COG5: variants seen among roughly 807,000 people sequenced by gnomAD.
The protein encoded by COG5 is conserved oligomeric Golgi complex subunit 5.
In COG5, 86 loss-of-function variants were observed where a neutral mutation model predicts 110.4. The observed-to-expected ratio is 0.78, with a 90% CI of 0.65 to 0.93. COG5 has a LOEUF of 0.93. COG5 is among the 40% of genes least tolerant of loss of function. The pLI is 0.00. For missense variants in COG5, 1,077 were observed against 987.0 expected (o/e 1.09, Z -1.22); for synonymous variants, 360 against 334.6 (o/e 1.08, Z -0.83).
chr7:107,395,835 G>C (rs1008508845), intron 7 of COG5, among the ~76,000 whole-genome samples: 1 of 152,034 alleles, frequency 6.6e-6, no homozygotes, highest in East Asian at 1.9e-4. Context: ...GATTACAGGC[G>C]TGAGCCACTG....
chr7:107,487,752 A>T (rs1336262058), intron 6 of COG5, among the ~76,000 whole-genome samples: 1 of 152,156 alleles, frequency 6.6e-6, no homozygotes, highest in Non-Finnish European at 1.5e-5. Flanking sequence ...TAAAATAATT[A>T]ACAATAGATT....
At chr7:107,404,862 G>A (rs1017251703) in intron 7 of COG5, among the ~76,000 whole-genome samples, 11 of 113,816 alleles carry the variant, frequency 9.7e-5, no homozygotes, top group Non-Finnish European at 1.7e-4. Flanking sequence ...TAAAGAGAGC[G>A]TAAAACAGTA....
chr7:107,286,172 A>G (rs1440020424), intron 12 of COG5, among the ~76,000 whole-genome samples: 1 of 152,166 alleles, frequency 6.6e-6, no homozygotes, highest in Non-Finnish European at 1.5e-5. Context: ...GGCCCTGAGG[A>G]GAGACCATAC....
At chr7:107,553,886 A>C (rs1188573491) in intron 3 of COG5, among the ~76,000 whole-genome samples, 1 of 152,210 alleles carries the variant, frequency 6.6e-6, no homozygotes, top group Admixed American at 6.5e-5. Context: ...ATGTGCAGGC[A>C]TTGTTCTAAG....
chr7:107,274,410 AC>A (rs1445557524), intron 14 of COG5, among the ~76,000 whole-genome samples: 3 of 151,666 alleles, frequency 2.0e-5, no homozygotes, highest in South Asian at 4.2e-4. Flanking sequence ...CCCACTCTTC[AC>A]CCCCTTTGTA....
At chr7:107,512,133 A>G (rs1157781414) in intron 6 of COG5, among the ~76,000 whole-genome samples, 3 of 152,210 alleles carry the variant, frequency 2.0e-5, no homozygotes, top group Admixed American at 6.5e-5. Flanking sequence ...ACATGATTGT[A>G]TATCTAGAAA....
At position 107,203,404 on chromosome 7, in the gene COG5, A is replaced by T; in HGVS notation, c.*112T>A. On this transcript the variant is annotated 3_prime_UTR_variant, in exon 22 of 22. Transcript: ENST00000297135. ...TAAACGTCGATAGGAAATACCGAAC[A>T]ATCAATTACATTCTTAAAATAGTAG... 1 of 778,610 alleles carries T rather than the reference A, an allele frequency of 1.3e-6. No homozygotes were observed. Among genetic ancestry groups the T allele is most frequent in the Admixed American group, 1.9e-5 (1 of 53,564 alleles). 48.2% of individuals were successfully genotyped at this position (778,610 alleles called of 1,614,324 possible).
chr7:107,405,003 A>T (rs1791720969), intron 7 of COG5, among the ~76,000 whole-genome samples: 5 of 152,084 alleles, frequency 3.3e-5, no homozygotes, highest in Admixed American at 3.3e-4. Context: ...TTTATGCTAT[A>T]AAAATTCCCT....
intron 11 of COG5, among the ~76,000 whole-genome samples, chr7:107,302,321 A>T (rs2189501): frequency 0.16 from 24,449 of 152,190 alleles, 2,359 homozygotes; most frequent in Non-Finnish European, 0.22. Context: ...TGGGAGCTAC[A>T]AACTACCATA....
intron 7 of COG5, among the ~76,000 whole-genome samples, chr7:107,411,504 G>C (rs571089852): frequency 1.3e-5 from 2 of 152,026 alleles, no homozygotes; most frequent in Non-Finnish European, 2.9e-5. Context: ...TTGTGAGAGA[G>C]GGTAAAGAAA....
intron 6 of COG5, among the ~76,000 whole-genome samples, chr7:107,523,310 T>G (rs1259427729): frequency 6.6e-6 from 1 of 152,034 alleles, no homozygotes; most frequent in Non-Finnish European, 1.5e-5. Flanking sequence ...CAATTGCTTG[T>G]TGCTAAGAGT....
chr7:107,367,001 G>C (rs1231321054), intron 8 of COG5, among the ~76,000 whole-genome samples: 4 of 152,038 alleles, frequency 2.6e-5, no homozygotes, highest in Non-Finnish European at 4.4e-5. Context: ...AAATCCATTT[G>C]GTCATAAATC....
At chr7:107,503,835 T>C (rs376499464) in intron 6 of COG5, among the ~76,000 whole-genome samples, 22 of 152,230 alleles carry the variant, frequency 1.4e-4, no homozygotes, top group East Asian at 7.7e-4. Context: ...TTTGTGTACA[T>C]TGACTTTGTA....
intron 5 of COG5, among the ~76,000 whole-genome samples, chr7:107,534,424 CAT>C (rs1253749586): frequency 1.3e-5 from 2 of 150,314 alleles, no homozygotes; most frequent in Non-Finnish European, 2.9e-5. Context: ...AGATCCATCT[CAT>C]GTGTAAAGAC....
chr7:107,308,056 T>C (rs765419576), intron 11 of COG5, among the ~76,000 whole-genome samples: 12 of 151,708 alleles, frequency 7.9e-5, no homozygotes, highest in Non-Finnish European at 1.5e-4. Context: ...TCACCTATTA[T>C]AACTAGTTGA....
intron 10 of COG5, among the ~76,000 whole-genome samples, chr7:107,344,400 C>A (rs750752897): frequency 6.6e-6 from 1 of 152,176 alleles, no homozygotes; most frequent in Non-Finnish European, 1.5e-5. Flanking sequence ...TCAGCCTTCA[C>A]AGAATTTAAG....
At chr7:107,341,138 C>T (rs1191456251) in intron 10 of COG5, among the ~76,000 whole-genome samples, 1 of 152,092 alleles carries the variant, frequency 6.6e-6, no homozygotes, top group African/African-American at 2.4e-5. Flanking sequence ...CTAAAGATTA[C>T]ACCATAAGGT....
intron 10 of COG5, among the ~76,000 whole-genome samples, chr7:107,328,446 A>G (rs1809956085): frequency 6.6e-6 from 1 of 152,244 alleles, no homozygotes; most frequent in African/African-American, 2.4e-5. Context: ...GTCTTAAAAA[A>G]GAAAGAAATC....
At chr7:107,500,795 G>A (rs1447763800) in intron 6 of COG5, among the ~76,000 whole-genome samples, 1 of 152,076 alleles carries the variant, frequency 6.6e-6, no homozygotes, top group East Asian at 1.9e-4. Context: ...TAACACAGAA[G>A]TTAAAAACAA....
Sources: gnomAD v4.1 joint callset for allele counts (sites outside exome capture counted in the v4.1 genomes callset) on GRCh38, gnomAD v4.1.1 for gene constraint, MANE v1.5 for transcripts, NCBI Gene and HGNC (gene_info 2026-07-23, HGNC 2026-07-21) for gene names.